ALDH1A2: variants seen among roughly 807,000 people sequenced by gnomAD.
The protein encoded by ALDH1A2 is retinal dehydrogenase 2.
ALDH1A2 carries 27 observed loss-of-function variants against 60.3 expected under a neutral mutation model. The ratio of observed to expected loss-of-function variants is 0.45; its 90% CI spans 0.33 to 0.62. ALDH1A2 has a LOEUF of 0.62. Among genes scored for constraint, ALDH1A2 ranks in the 20% least tolerant of loss-of-function variants. The pLI, the probability that ALDH1A2 is intolerant of heterozygous loss-of-function variation, is 0.02. For synonymous variants in ALDH1A2, 289 were observed against 232.4 expected, an observed-to-expected ratio of 1.24 and a Z score of -2.21; for missense variants, 581 against 643.8, an observed-to-expected ratio of 0.90 and a Z score of 1.06.
chr15:57,974,978 A>G (rs1894198324), intron 7 of ALDH1A2, among the ~76,000 whole-genome samples: 1 of 152,258 alleles, frequency 6.6e-6, no homozygotes, highest in Non-Finnish European at 1.5e-5. Flanking sequence ...AAAGACACTC[A>G]ATGGTAGAGA....
intron 1 of ALDH1A2, chr15:58,038,518 A>G (rs1896433701): frequency 2.0e-5 from 3 of 151,784 alleles, no homozygotes; most frequent in African/African-American, 7.2e-5. Flanking sequence ...TACCTATTCT[A>G]CTGTCCCAGA....
chr15:57,980,576 G>T, intron 7 of ALDH1A2: 2 of 275,292 alleles, frequency 7.3e-6, no homozygotes, highest in South Asian at 1.1e-4. Flanking sequence ...GTCATATTTG[G>T]GCAGGAGCCA....
chr15:57,959,284 G>T (rs1893643021), intron 12 of ALDH1A2, among the ~76,000 whole-genome samples: 1 of 152,216 alleles, frequency 6.6e-6, no homozygotes, highest in Non-Finnish European at 1.5e-5. Flanking sequence ...GGAAGGAAAT[G>T]AAATAAGAAG....
rs111281136 is a variant in ALDH1A2 at position 58,050,364 on chromosome 15, C to T, written c.117+15170G>A. On this transcript the variant is annotated intron_variant, in intron 1 of 12. Transcript: ENST00000249750. ...ATTTCTCTAACAGTTTAGAGCTGCC[C>T]GTTTTAGCAAATAAAAGTATAATTA... 1.3e-3 allele frequency among the ~76,000 whole-genome samples: 191 copies of T among 151,934 alleles called. 1 individual carries two copies. The highest frequency in any genetic ancestry group is 4.1e-3 in the African/African-American group (169 of 41,448).
chr15:58,060,375 AC>A (rs1424248110), intron 1 of ALDH1A2, among the ~76,000 whole-genome samples: 1 of 151,788 alleles, frequency 6.6e-6, no homozygotes, highest in Non-Finnish European at 1.5e-5. Context: ...AGTCCTTTTA[AC>A]CCCATAAAGT....
chr15:58,039,386 A>G (rs1401763993), intron 1 of ALDH1A2, among the ~76,000 whole-genome samples: 1 of 151,708 alleles, frequency 6.6e-6, no homozygotes, highest in East Asian at 1.9e-4. Context: ...AAAAAGGGAT[A>G]ACCCCGGGAA....
At chr15:58,012,621 G>C (rs570783232) in intron 3 of ALDH1A2, among the ~76,000 whole-genome samples, 94 of 152,276 alleles carry the variant, frequency 6.2e-4, no homozygotes, top group African/African-American at 1.9e-3. Flanking sequence ...CTCATTGGAA[G>C]AGTATTCCCT....
At chr15:57,981,297 C>CACAT (rs1484653918) in intron 7 of ALDH1A2, among the ~76,000 whole-genome samples, 2 of 145,724 alleles carry the variant, frequency 1.4e-5, no homozygotes, top group African/African-American at 5.5e-5. Flanking sequence ...CAAACACACA[C>CACAT]ACACACACAC....
chr15:58,032,789 A>AACACACACACACACAC, intron 1 of ALDH1A2, among the ~76,000 whole-genome samples: 1 of 149,202 alleles, frequency 6.7e-6, no homozygotes, highest in African/African-American at 2.5e-5. Context: ...AGTGCCCCTC[A>AACACACACACACACAC]ACACACACAC....
intron 8 of ALDH1A2, 142 bp downstream of exon 8, chr15:57,965,583 A>G (rs1893867482): frequency 1.3e-6 from 1 of 745,196 alleles, no homozygotes; most frequent in African/African-American, 1.7e-5. Context: ...CCATTATTAA[A>G]CCATTTTCTC....
At chr15:58,043,059 G>A (rs1896557430) in intron 1 of ALDH1A2, among the ~76,000 whole-genome samples, 1 of 151,912 alleles carries the variant, frequency 6.6e-6, no homozygotes, top group South Asian at 2.1e-4. Flanking sequence ...AGGTGAAGTT[G>A]CTTGTGTTTT....
intron 1 of ALDH1A2, among the ~76,000 whole-genome samples, chr15:58,037,523 A>G (rs545677865): frequency 1.3e-4 from 20 of 151,612 alleles, no homozygotes; most frequent in Non-Finnish European, 3.0e-4. Context: ...TTTCATCATG[A>G]AAGTATTGTT....
At chr15:58,051,426 G>A (rs1280855250) in intron 1 of ALDH1A2, among the ~76,000 whole-genome samples, 1 of 152,040 alleles carries the variant, frequency 6.6e-6, no homozygotes, top group Admixed American at 6.6e-5. Context: ...GGAGACAAAT[G>A]AAAAGCTCAA....
chr15:58,007,924 C>T (rs1474040030), intron 4 of ALDH1A2, among the ~76,000 whole-genome samples: 9 of 152,018 alleles, frequency 5.9e-5, no homozygotes, highest in African/African-American at 1.7e-4. Context: ...ATTATGATTA[C>T]GATACCCCTT....
rs58936391 is a variant in ALDH1A2, at chr15:58,020,619, C to G, written c.118-6338G>C. On this transcript the variant is annotated intron_variant, in intron 1 of 12. Transcript: ENST00000249750. The stretch of plus-strand genomic sequence containing the variant: ...ACTGAAGCTACCTGTGTGTTTCTTC[C>G]TAATCCCGTCCTCCAGCTTGACCCA... Among the ~76,000 whole-genome samples the G allele has an allele frequency of 2.8e-3, 419 of 152,230 alleles. 2 individuals carry two copies. The highest frequency in any genetic ancestry group is 9.7e-3 in the African/African-American group (401 of 41,536).
rs35240924 is a variant in ALDH1A2 at position 57,982,436 on chromosome 15, C to G, written c.798+10269G>C. Among the ~76,000 whole-genome samples the G allele has an allele frequency of 8.1e-3, 1,235 of 152,192 alleles. 20 individuals are homozygous for G. The highest frequency in any genetic ancestry group is 0.027 in the African/African-American group (1,125 of 41,544). ...TTCCTTTAGTTGGTTTAGAGAGACG[C>G]AAACTATAGAGTTGTGATATACTAT... On this transcript the variant is annotated intron_variant, in intron 7 of 12. Transcript: ENST00000249750.
chr15:58,010,223 C>T (rs1226588212), intron 4 of ALDH1A2, among the ~76,000 whole-genome samples: 8 of 152,090 alleles, frequency 5.3e-5, no homozygotes, highest in Non-Finnish European at 4.4e-5. Flanking sequence ...CACTCAGAGA[C>T]AACTGTTAAC....
chr15:58,021,363 C>T (rs181372183), intron 1 of ALDH1A2, among the ~76,000 whole-genome samples: 1 of 152,060 alleles, frequency 6.6e-6, no homozygotes, highest in Non-Finnish European at 1.5e-5. Flanking sequence ...CAGGAAGCAC[C>T]AAAAGTAAGA....
intron 1 of ALDH1A2, among the ~76,000 whole-genome samples, chr15:58,046,622 T>G (rs1395261232): frequency 2.0e-5 from 3 of 151,998 alleles, no homozygotes; most frequent in African/African-American, 4.8e-5. Flanking sequence ...TGTTTCCTCC[T>G]CCGTAAAAAC....
Sources: gnomAD v4.1 joint callset for allele counts (sites outside exome capture counted in the v4.1 genomes callset) on GRCh38, gnomAD v4.1.1 for gene constraint, MANE v1.5 for transcripts, NCBI Gene and HGNC (gene_info 2026-07-23, HGNC 2026-07-21) for gene names.